The following VPS13B variants were observed in gnomAD, a reference collection of about 807,000 sequenced individuals.
The protein encoded by VPS13B is vacuolar protein sorting 13 homolog B, also known as intermembrane lipid transfer protein VPS13B.
Under a neutral mutation model 426.4 loss-of-function variants are expected in VPS13B, and 285 were observed. That is an observed-to-expected ratio of 0.67 (90% CI 0.61 to 0.74). The LOEUF (loss-of-function observed/expected upper bound fraction) is 0.74, where lower values mean the gene tolerates loss of function less well. Among genes scored for constraint, VPS13B ranks in the 30% least tolerant of loss-of-function variants. VPS13B has a pLI of 0.00. For missense variants in VPS13B, 4,537 were observed against 4,782.6 expected, an observed-to-expected ratio of 0.95 and a Z score of 1.51; for synonymous variants, 1,676 against 1,676.4, an observed-to-expected ratio of 1.00 and a Z score of 0.01.
chr8:99,316,061 T>A (rs1809641752), intron 19 of VPS13B, among the ~76,000 whole-genome samples: 1 of 152,218 alleles, frequency 6.6e-6, no homozygotes, highest in Non-Finnish European at 1.5e-5. Flanking sequence ...TCTGGTGGGA[T>A]GCATAGGTTG....
At chr8:99,309,809 C>T (rs1307571540) in intron 19 of VPS13B, among the ~76,000 whole-genome samples, 1 of 152,180 alleles carries the variant, frequency 6.6e-6, no homozygotes. Flanking sequence ...TCTTCCTATC[C>T]ATGAACATGG....
At chr8:99,544,161 T>G in intron 30 of VPS13B, among the ~76,000 whole-genome samples, 1 of 151,974 alleles carries the variant, frequency 6.6e-6, no homozygotes, top group Non-Finnish European at 1.5e-5. Context: ...ACGTCCTTTG[T>G]AGGGACATGG....
intron 35 of VPS13B, among the ~76,000 whole-genome samples, chr8:99,694,666 G>A (rs1427495466): frequency 1.4e-5 from 2 of 140,818 alleles, no homozygotes; most frequent in Non-Finnish European, 3.1e-5. Context: ...AACACCAAAA[G>A]CAATGGCAAC....
At chr8:99,197,029 C>T (rs1160860852) in intron 17 of VPS13B, among the ~76,000 whole-genome samples, 3 of 152,068 alleles carry the variant, frequency 2.0e-5, no homozygotes, top group Non-Finnish European at 4.4e-5. Flanking sequence ...GTTTTGATCA[C>T]GAGAGGCTGT....
intron 19 of VPS13B, among the ~76,000 whole-genome samples, chr8:99,306,141 G>C (rs554324510): frequency 6.6e-6 from 1 of 152,214 alleles, no homozygotes; most frequent in East Asian, 1.9e-4. Flanking sequence ...ACTAATCCTT[G>C]GAGTGAATTA....
intron 40 of VPS13B, among the ~76,000 whole-genome samples, chr8:99,776,273 T>C (rs1811737483): frequency 6.6e-6 from 1 of 152,246 alleles, no homozygotes; most frequent in South Asian, 2.1e-4. Flanking sequence ...GAGATCAGTA[T>C]GATCATAGAT....
chr8:99,816,302 A>G (rs917483593), intron 44 of VPS13B, among the ~76,000 whole-genome samples: 5 of 151,934 alleles, frequency 3.3e-5, no homozygotes, highest in African/African-American at 1.2e-4. Flanking sequence ...GGGTTTCTCC[A>G]TGTTGGTCAG....
chr8:99,229,472 GGATTGATT>G (rs372113202), intron 17 of VPS13B, among the ~76,000 whole-genome samples: 10 of 152,124 alleles, frequency 6.6e-5, no homozygotes, highest in East Asian at 1.9e-4. Flanking sequence ...AATTATTCAT[GGATTGATT>G]GATTGATTGA....
intron 61 of VPS13B, among the ~76,000 whole-genome samples, chr8:99,872,816 G>GT (rs11396771): frequency 0.032 from 4,942 of 152,234 alleles, 241 homozygotes; most frequent in African/African-American, 0.11. Flanking sequence ...ATGGGGGCGT[G>GT]TATCTCCTTC....
At chr8:99,046,411 GA>G (rs1843243476) in intron 3 of VPS13B, among the ~76,000 whole-genome samples, 1 of 151,694 alleles carries the variant, frequency 6.6e-6, no homozygotes, top group Non-Finnish European at 1.5e-5. Context: ...AAACTTTGTT[GA>G]ATTTTTTTTT....
At chr8:99,789,465 A>G (rs896672924) in intron 43 of VPS13B, among the ~76,000 whole-genome samples, 3 of 152,118 alleles carry the variant, frequency 2.0e-5, no homozygotes, top group African/African-American at 7.2e-5. Context: ...TACACACTGG[A>G]GTTGCTAATG....
At chr8:99,114,781 T>C (rs1246419897) in intron 6 of VPS13B, among the ~76,000 whole-genome samples, 1 of 152,206 alleles carries the variant, frequency 6.6e-6, no homozygotes, top group Non-Finnish European at 1.5e-5. Flanking sequence ...AAAAATACGA[T>C]GATTACCATT....
intron 6 of VPS13B, 23 bp from the exon 7 acceptor site, chr8:99,115,677 G>A (rs1473322418): frequency 6.2e-7 from 1 of 1,610,578 alleles, no homozygotes; most frequent in Non-Finnish European, 8.5e-7. Flanking sequence ...GTTTGTTGGT[G>A]TTATGTCTTT....
At chr8:99,342,714 A>G (rs2133189496) in intron 19 of VPS13B, among the ~76,000 whole-genome samples, 1 of 152,318 alleles carries the variant, frequency 6.6e-6, no homozygotes, top group Non-Finnish European at 1.5e-5. Flanking sequence ...ATGGCAGTGC[A>G]GATATCCCTT....
chr8:99,728,374 A>C (rs1267326808), intron 39 of VPS13B, among the ~76,000 whole-genome samples: 2 of 152,194 alleles, frequency 1.3e-5, no homozygotes, highest in Non-Finnish European at 2.9e-5. Context: ...CACTACCTTA[A>C]GAGTTATGAG....
At chr8:99,217,720 CA>C (rs1233417833) in intron 17 of VPS13B, among the ~76,000 whole-genome samples, 4 of 151,932 alleles carry the variant, frequency 2.6e-5, no homozygotes, top group Non-Finnish European at 4.4e-5. Context: ...CAAATCCTTC[CA>C]GGATAAAAAT....
chr8:99,560,648 G>T (rs1824863126), intron 31 of VPS13B, among the ~76,000 whole-genome samples: 1 of 152,170 alleles, frequency 6.6e-6, no homozygotes, highest in South Asian at 2.1e-4. Flanking sequence ...TTTCAGAGAG[G>T]AATGCAATAA....
intron 13 of VPS13B, among the ~76,000 whole-genome samples, chr8:99,146,232 G>A (rs1259551001): frequency 6.6e-6 from 1 of 152,202 alleles, no homozygotes; most frequent in Non-Finnish European, 1.5e-5. Context: ...CATAAGGAGT[G>A]AGGTTTAGAT....
At chr8:99,286,296 G>A (rs1819438534) in intron 19 of VPS13B, among the ~76,000 whole-genome samples, 2 of 152,174 alleles carry the variant, frequency 1.3e-5, no homozygotes, top group African/African-American at 4.8e-5. Flanking sequence ...GGGGAAAAAT[G>A]TAGTCTGGCT....
Sources: gnomAD v4.1 joint callset for allele counts (sites outside exome capture counted in the v4.1 genomes callset) on GRCh38, gnomAD v4.1.1 for gene constraint, MANE v1.5 for transcripts, NCBI Gene and HGNC (gene_info 2026-07-23, HGNC 2026-07-21) for gene names.